Variants in ST3GAL3 observed in about 807,000 individuals in gnomAD.
ST3GAL3 encodes CMP-N-acetylneuraminate-beta-1,4-galactoside alpha-2,3-sialyltransferase.
Under a neutral mutation model 50.1 loss-of-function variants are expected in ST3GAL3, and 21 were observed. The ratio of observed to expected loss-of-function variants is 0.42; its 90% CI spans 0.30 to 0.60. ST3GAL3 has a LOEUF of 0.60. Ranked by LOEUF, ST3GAL3 falls within the 20% of genes least tolerant of loss-of-function variation. The pLI is 0.19. For missense variants in ST3GAL3, 353 were observed against 489.4 expected (o/e 0.72, Z 2.63); for synonymous variants, 183 against 190.0 (o/e 0.96, Z 0.30).
At chr1:43,907,780 C>T (rs1401843146) in intron 9 of ST3GAL3, among the ~76,000 whole-genome samples, 1 of 152,190 alleles carries the variant, frequency 6.6e-6, no homozygotes, top group Non-Finnish European at 1.5e-5. Context: ...GTCCTCCTCT[C>T]ACATCTATGA....
chr1:43,850,848 T>C, intron 5 of ST3GAL3: 2 of 1,202,492 alleles, frequency 1.7e-6, no homozygotes, highest in Non-Finnish European at 2.5e-6. Flanking sequence ...GGGACCTCCC[T>C]GAAGGCCAGG....
At chr1:43,796,750 T>G (rs913272019) in intron 3 of ST3GAL3, among the ~76,000 whole-genome samples, 8 of 152,182 alleles carry the variant, frequency 5.3e-5, no homozygotes, top group African/African-American at 1.9e-4. Context: ...ATGGGAAAAG[T>G]TAATCAACCA....
In ST3GAL3 at chr1:43,784,774, G is replaced by A. The variant is rs2057076626; in HGVS notation, c.119-7328G>A. Among the ~76,000 whole-genome samples the A allele has an allele frequency of 3.3e-5, 5 of 152,282 alleles. No homozygotes were observed. In the South Asian group the frequency reaches 1.0e-3, roughly 32 times the overall value. The stretch of plus-strand genomic sequence containing the variant: ...AGCTTCCATTCACAGTTGAGTCTTT[G>A]CCATCAAATTGTTGTACAGAAATTG... On this transcript the variant is annotated intron_variant, in intron 2 of 11. Coordinates refer to ENST00000347631, the MANE Select transcript of ST3GAL3 (RefSeq NM_006279.5).
intron 1 of ST3GAL3, among the ~76,000 whole-genome samples, chr1:43,729,760 T>C (rs954435371): frequency 1.3e-5 from 2 of 152,276 alleles, no homozygotes; most frequent in African/African-American, 4.8e-5. Flanking sequence ...TTGGAGTACA[T>C]TGAATCTTAC....
intron 2 of ST3GAL3, among the ~76,000 whole-genome samples, chr1:43,756,064 G>T (rs1251058047): frequency 2.6e-5 from 3 of 115,416 alleles, no homozygotes; most frequent in African/African-American, 1.0e-4. Flanking sequence ...TTGCACTATT[G>T]TACTCTAACC....
At chr1:43,897,069 A>C (rs760502196) in intron 6 of ST3GAL3, among the ~76,000 whole-genome samples, 1 of 145,838 alleles carries the variant, frequency 6.9e-6, no homozygotes, top group Non-Finnish European at 1.5e-5. Flanking sequence ...ATAGGATTTC[A>C]TACACCACAT....
chr1:43,814,271 A>AT (rs1202130792), intron 3 of ST3GAL3, among the ~76,000 whole-genome samples: 17 of 152,204 alleles, frequency 1.1e-4, no homozygotes, highest in Admixed American at 1.1e-3. Context: ...ACTCCATACA[A>AT]TTTTATAGAA....
At position 43,797,661 on chromosome 1, in the gene ST3GAL3, A is replaced by G. The variant is rs535231372; in HGVS notation, c.166+5512A>G. Among the ~76,000 whole-genome samples the G allele has an allele frequency of 2.0e-5, 3 of 152,330 alleles. No homozygotes were observed. In the East Asian group the frequency reaches 5.8e-4, roughly 29 times the overall value. ...TTCATCCTGACATCGGCCATCTACA[A>G]AAACCTACAGCAAACATCATACTTT... is the stretch of plus-strand genomic sequence containing the variant. On this transcript the variant is annotated intron_variant, in intron 3 of 11. Coordinates refer to ENST00000347631, the MANE Select transcript of ST3GAL3 (RefSeq NM_006279.5).
chr1:43,871,939 G>A (rs987355947), intron 5 of ST3GAL3, among the ~76,000 whole-genome samples: 20 of 9,104 alleles, frequency 2.2e-3, no homozygotes, highest in Non-Finnish European at 3.6e-3. Context: ...GAGGGGGAGC[G>A]GTACGTCGGT....
intron 4 of ST3GAL3, among the ~76,000 whole-genome samples, chr1:43,826,753 G>A (rs948228801): frequency 1.4e-4 from 22 of 152,182 alleles, no homozygotes; most frequent in African/African-American, 5.3e-4. Context: ...TTGCTGCCAA[G>A]TGGGATTTAT....
At chr1:43,763,195 G>T (rs2154123324) in intron 2 of ST3GAL3, among the ~76,000 whole-genome samples, 1 of 152,286 alleles carries the variant, frequency 6.6e-6, no homozygotes, top group Non-Finnish European at 1.5e-5. Context: ...CCCATCCGGT[G>T]AGTACTCTGC....
chr1:43,748,175 A>T (rs745364499), intron 2 of ST3GAL3, among the ~76,000 whole-genome samples: 1 of 152,176 alleles, frequency 6.6e-6, no homozygotes, highest in Non-Finnish European at 1.5e-5. Flanking sequence ...TATAAAACTC[A>T]GTTGCGTTTC....
intron 9 of ST3GAL3, chr1:43,912,289 T>C (rs2081069111): frequency 6.6e-6 from 1 of 152,166 alleles, no homozygotes. Context: ...ACAAAAACAC[T>C]ATAAAGGAGA....
At chr1:43,865,406 G>A (rs1249531866) in intron 5 of ST3GAL3, among the ~76,000 whole-genome samples, 2 of 152,118 alleles carry the variant, frequency 1.3e-5, no homozygotes, top group Non-Finnish European at 2.9e-5. Flanking sequence ...ACATGAATTT[G>A]TAGTATCTAT....
rs577972273 is a variant in ST3GAL3, at chr1:43,736,047, A to G, written c.-30-186A>G. ...AAAGATGATTGCTGCTTTCTAGCTT[A>G]GGCGCTGGCTGATGATGAAGCTGTT... On this transcript the variant is annotated intron_variant, in intron 1 of 11. Coordinates refer to ENST00000347631, the MANE Select transcript of ST3GAL3 (RefSeq NM_006279.5). Among the ~76,000 whole-genome samples, 11 of 152,340 alleles carry G rather than the reference A, an allele frequency of 7.2e-5. No individual in the cohort carries two copies. The South Asian group carries it at 2.3e-3, about 32-fold the overall frequency.
At chr1:43,758,902 G>A (rs370564272) in intron 2 of ST3GAL3, among the ~76,000 whole-genome samples, 7 of 152,030 alleles carry the variant, frequency 4.6e-5, no homozygotes, top group Middle Eastern at 3.4e-3. Flanking sequence ...TCAGGCAGGC[G>A]TGGTGGCGTG....
chr1:43,862,200 T>C (rs930848779), intron 5 of ST3GAL3, among the ~76,000 whole-genome samples: 7 of 152,188 alleles, frequency 4.6e-5, no homozygotes, highest in Non-Finnish European at 1.0e-4. Context: ...GCTGTCCACA[T>C]GCATGTGCTG....
At chr1:43,844,699 C>T (rs556841995) in intron 5 of ST3GAL3, among the ~76,000 whole-genome samples, 5 of 152,118 alleles carry the variant, frequency 3.3e-5, no homozygotes, top group South Asian at 4.2e-4. Flanking sequence ...CGGTGGCGGG[C>T]GCCTGTAGTC....
chr1:43,767,403 A>G (rs1368424701), intron 2 of ST3GAL3, among the ~76,000 whole-genome samples: 5 of 152,066 alleles, frequency 3.3e-5, no homozygotes. Context: ...GTCCTTCTTT[A>G]TATGTCACAG....
Sources: gnomAD v4.1 joint callset for allele counts (sites outside exome capture counted in the v4.1 genomes callset) on GRCh38, gnomAD v4.1.1 for gene constraint, MANE v1.5 for transcripts, NCBI Gene and HGNC (gene_info 2026-07-23, HGNC 2026-07-21) for gene names.